The following KPNA1 variants were observed in gnomAD, a reference collection of about 807,000 sequenced individuals.
KPNA1 encodes importin subunit alpha-5.
A neutral mutation model predicts 70.5 loss-of-function variants in KPNA1; 10 were observed. The ratio of observed to expected loss-of-function variants is 0.14; its 90% confidence interval spans 0.09 to 0.24. The LOEUF (loss-of-function observed/expected upper bound fraction) is 0.24. KPNA1 is among the 10% of genes least tolerant of loss of function. KPNA1 has a pLI of 1.00. For synonymous variants in KPNA1, 192 were observed against 221.9 expected (o/e 0.87, Z 1.20); for missense variants, 397 against 637.9 (o/e 0.62, Z 4.07).
chr3:122,495,106 TGG>T (rs1174083381), intron 2 of KPNA1, among the ~76,000 whole-genome samples: 1 of 151,454 alleles, frequency 6.6e-6, no homozygotes, highest in Admixed American at 6.6e-5. Flanking sequence ...AAAAATTAGC[TGG>T]GTGTGGTGGC....
In KPNA1 at chr3:122,426,878, T is replaced by C; in HGVS notation, c.*107A>G. The C allele has an allele frequency of 1.2e-6, 1 of 863,420 alleles. No homozygotes were observed. The highest frequency in any genetic ancestry group is 1.7e-5 in the South Asian group (1 of 57,856). 53.5% of individuals were successfully genotyped at this position (863,420 alleles called of 1,614,324 possible). Reference sequence around the variant, plus strand: ...GGCAAGCAAATGAGCGCAAACAGTATTATGGAAAACATTTGAGAAGTTAGC... The same window carrying C: ...GGCAAGCAAATGAGCGCAAACAGTACTATGGAAAACATTTGAGAAGTTAGC... On this transcript the variant is annotated 3_prime_UTR_variant, in exon 14 of 14. Coordinates refer to ENST00000344337, the MANE Select transcript of KPNA1 (RefSeq NM_002264.4).
chr3:122,453,003 G>A (rs2076228634), intron 6 of KPNA1, among the ~76,000 whole-genome samples: 1 of 152,006 alleles, frequency 6.6e-6, no homozygotes. Context: ...CTGGAGTGCG[G>A]TGGTGTGATA....
At chr3:122,482,926 T>C (rs375366818) in intron 2 of KPNA1, 25 of 151,920 alleles carry the variant, frequency 1.6e-4, no homozygotes, top group African/African-American at 5.8e-4. Context: ...AGGACAGCAA[T>C]AGCTAGGCAG....
chr3:122,476,138 A>G (rs1209141136), intron 2 of KPNA1, among the ~76,000 whole-genome samples: 1 of 152,202 alleles, frequency 6.6e-6, no homozygotes, highest in Non-Finnish European at 1.5e-5. Flanking sequence ...AAATCCACAC[A>G]TTTATGATTA....
At chr3:122,456,507 T>A (rs772601667) in intron 5 of KPNA1, among the ~76,000 whole-genome samples, 5 of 152,194 alleles carry the variant, frequency 3.3e-5, no homozygotes, top group African/African-American at 7.2e-5. Context: ...AAAAATTACT[T>A]AGAATTCTAA....
At chr3:122,514,144 C>G (rs2076987780) in intron 1 of KPNA1, among the ~76,000 whole-genome samples, 1 of 152,160 alleles carries the variant, frequency 6.6e-6, no homozygotes, top group Non-Finnish European at 1.5e-5. Context: ...GCTATAATTA[C>G]CACACCCCCG....
At chr3:122,468,848 C>A (rs1381870284) in intron 2 of KPNA1, among the ~76,000 whole-genome samples, 1 of 152,104 alleles carries the variant, frequency 6.6e-6, no homozygotes, top group African/African-American at 2.4e-5. Flanking sequence ...CAAGACACAG[C>A]TAAGGAAATA....
chr3:122,500,287 A>G (rs2076812584), intron 1 of KPNA1, among the ~76,000 whole-genome samples: 1 of 151,582 alleles, frequency 6.6e-6, no homozygotes, highest in South Asian at 2.1e-4. Context: ...ACGCCTGGCT[A>G]CTTTTTGTAT....
At chr3:122,431,127 T>C (rs2075900290) in intron 12 of KPNA1, among the ~76,000 whole-genome samples, 1 of 152,238 alleles carries the variant, frequency 6.6e-6, no homozygotes, top group African/African-American at 2.4e-5. Context: ...CATTTGATTA[T>C]ATTCAACCTA....
At chr3:122,477,823 T>C (rs2076519778) in intron 2 of KPNA1, among the ~76,000 whole-genome samples, 1 of 150,014 alleles carries the variant, frequency 6.7e-6, no homozygotes, top group Non-Finnish European at 1.5e-5. Flanking sequence ...ACACCATAAA[T>C]ATATAAAATT....
In KPNA1 at chr3:122,423,832, G is replaced by T. The variant is rs2075786777; in HGVS notation, c.*3153C>A. 6.6e-6 allele frequency: 1 copy of T among 152,520 alleles called. No individual in the cohort carries two copies. The highest frequency in any genetic ancestry group is 2.4e-5 in the African/African-American group (1 of 41,418). The allele number at this position is 152,520 out of a possible 1,614,324, so 9.4% of individuals were successfully genotyped here. On this transcript the variant is annotated 3_prime_UTR_variant, in exon 14 of 14. Transcript: ENST00000344337. ...TATCTGTGACGATAATGCCAAAAAT[G>T]ACTCAGAGCCAATAACCTTCATCTG...
chr3:122,451,698 CTAAATAA>C, intron 7 of KPNA1, 65 bp from the exon 8 acceptor site: 1 of 1,022,134 alleles, frequency 9.8e-7, no homozygotes. Flanking sequence ...GACATAAATA[CTAAATAA>C]TAATACTTTT....
At chr3:122,482,834 TA>T (rs2076586592) in intron 2 of KPNA1, among the ~76,000 whole-genome samples, 1 of 152,130 alleles carries the variant, frequency 6.6e-6, no homozygotes, top group South Asian at 2.1e-4. Context: ...TAAGAGAATG[TA>T]AAGATGACCT....
chr3:122,459,443 C>T, intron 5 of KPNA1: 2 of 985,434 alleles, frequency 2.0e-6, no homozygotes, highest in South Asian at 9.4e-5. Context: ...CCCTACCTCC[C>T]TCTTCCTACA....
At chr3:122,477,706 T>C (rs960369495) in intron 2 of KPNA1, among the ~76,000 whole-genome samples, 3 of 150,916 alleles carry the variant, frequency 2.0e-5, no homozygotes, top group Admixed American at 6.6e-5. Context: ...GCTGAGACTG[T>C]AGAAGTGTGC....
At position 122,427,065 on chromosome 3, in the gene KPNA1, T is replaced by A; in HGVS notation, c.1537A>T (p.Ile513Phe). 6.2e-7 allele frequency: 1 copy of A among 1,614,160 alleles called. No individual in the cohort carries two copies. Among genetic ancestry groups the A allele is most frequent in the Middle Eastern group, 1.6e-4 (1 of 6,062 alleles). ...YFGTEDEDSS[I>F]APQVDLNQQQ... The stretch of plus-strand genomic sequence containing the variant: ...TGGTTAAGGTCAACCTGGGGTGCAA[T>A]GCTGCTGTCTTCATCTTCGGTCCCG... Residue 513 changes from isoleucine (I) to phenylalanine (F), a missense_variant, in exon 14 of 14, where the codon ATT becomes TTT. By Grantham distance (21) the Ile-to-Phe change is conservative (BLOSUM62 0). Coordinates refer to ENST00000344337, the MANE Select transcript of KPNA1 (RefSeq NM_002264.4).
chr3:122,481,273 C>T (rs1049728715), intron 2 of KPNA1, among the ~76,000 whole-genome samples: 3 of 152,078 alleles, frequency 2.0e-5, no homozygotes, highest in African/African-American at 7.2e-5. Flanking sequence ...AAAGTTAATC[C>T]AAATGTCCAA....
chr3:122,495,929 A>G (rs1433217061), intron 2 of KPNA1, among the ~76,000 whole-genome samples: 2 of 152,230 alleles, frequency 1.3e-5, no homozygotes, highest in Admixed American at 6.5e-5. Flanking sequence ...TTAAAATGTT[A>G]GATAACAAAG....
chr3:122,441,915 A>C (rs2107727435), intron 10 of KPNA1, 123 bp downstream of exon 10: 1 of 813,572 alleles, frequency 1.2e-6, no homozygotes, highest in East Asian at 2.5e-5. Flanking sequence ...ATTTTTAAAC[A>C]TTAGTGTAAC....
Sources: gnomAD v4.1 joint callset for allele counts (sites outside exome capture counted in the v4.1 genomes callset) on GRCh38, gnomAD v4.1.1 for gene constraint, MANE v1.5 for transcripts, NCBI Gene and HGNC (gene_info 2026-07-23, HGNC 2026-07-21) for gene names.